Variants in TRAF3 observed in about 807,000 individuals in gnomAD.
TRAF3 encodes the protein TNF receptor associated factor 3, also known as TNF receptor-associated factor 3.
A neutral mutation model predicts 62.3 loss-of-function variants in TRAF3; 13 were observed. The ratio of observed to expected loss-of-function variants is 0.21; its 90% confidence interval spans 0.14 to 0.33. TRAF3 has a LOEUF of 0.33. Among genes scored for constraint, TRAF3 ranks in the 10% least tolerant of loss-of-function variants. TRAF3 has a pLI of 1.00. For missense variants in TRAF3, 440 were observed against 741.8 expected, an observed-to-expected ratio of 0.59 and a Z score of 4.73; for synonymous variants, 269 against 283.4, an observed-to-expected ratio of 0.95 and a Z score of 0.51.
Position 102,815,759 on chromosome 14 carries a change from C to T in TRAF3, c.-156-14575C>T, listed in dbSNP as rs1484604243. Among the ~76,000 whole-genome samples the T allele has an allele frequency of 2.6e-5, 4 of 152,156 alleles. No homozygotes were observed. In the South Asian group the frequency reaches 8.3e-4, roughly 32 times the overall value. ...GTCTGGGGAGGCCTCAGGAAACTTA[C>T]AATCAAGGCAGACGGGGAAGCAGGC... is the stretch of plus-strand genomic sequence containing the variant. On this transcript the variant is annotated intron_variant, in intron 1 of 11. Coordinates refer to ENST00000392745, the MANE Select transcript of TRAF3 (RefSeq NM_145725.3).
At chr14:102,811,885 CTGTAGGCT>C (rs1211533662) in intron 1 of TRAF3, among the ~76,000 whole-genome samples, 1 of 128,222 alleles carries the variant, frequency 7.8e-6, no homozygotes, top group Non-Finnish European at 1.6e-5. Flanking sequence ...GTAGCTAGGA[CTGTAGGCT>C]TGTGCCACCA....
At chr14:102,860,002 T>G (rs1310303908) in intron 2 of TRAF3, among the ~76,000 whole-genome samples, 1 of 151,600 alleles carries the variant, frequency 6.6e-6, no homozygotes, top group East Asian at 1.9e-4. Context: ...AGTGCAATGA[T>G]TTTACCACAT....
intron 1 of TRAF3, among the ~76,000 whole-genome samples, chr14:102,828,906 A>C (rs1026775405): frequency 1.3e-5 from 2 of 152,234 alleles, no homozygotes; most frequent in Admixed American, 6.5e-5. Context: ...AATGACAGTT[A>C]CATTAATCTG....
chr14:102,869,643 A>G (rs574807698), intron 2 of TRAF3, among the ~76,000 whole-genome samples: 1 of 152,014 alleles, frequency 6.6e-6, no homozygotes, highest in African/African-American at 2.4e-5. Flanking sequence ...CGTCTCTACT[A>G]AAAATACAAA....
chr14:102,859,042 C>T (rs548930066), intron 2 of TRAF3, among the ~76,000 whole-genome samples: 3 of 152,256 alleles, frequency 2.0e-5, no homozygotes, highest in South Asian at 2.1e-4. Context: ...GTTCAATTTA[C>T]GGAACTGTAT....
chr14:102,887,650 A>C (rs1889471065), intron 7 of TRAF3, among the ~76,000 whole-genome samples: 1 of 151,570 alleles, frequency 6.6e-6, no homozygotes, highest in African/African-American at 2.4e-5. Flanking sequence ...GCTGGAGTGC[A>C]GTGGCGTGAT....
chr14:102,877,522 G>T (rs563600611), intron 6 of TRAF3, among the ~76,000 whole-genome samples: 2 of 141,692 alleles, frequency 1.4e-5, no homozygotes, highest in African/African-American at 2.7e-5. Context: ...CAGGCCTTCC[G>T]CTCAGCTCAT....
At chr14:102,874,650 CTT>C (rs5811084) in intron 4 of TRAF3, among the ~76,000 whole-genome samples, 2 of 143,028 alleles carry the variant, frequency 1.4e-5, no homozygotes, top group African/African-American at 2.6e-5. Context: ...TTTTCTTCTT[CTT>C]TTTTTTTTTT....
intron 6 of TRAF3, among the ~76,000 whole-genome samples, chr14:102,878,199 T>A (rs1888826822): frequency 1.3e-5 from 2 of 152,222 alleles, no homozygotes; most frequent in Admixed American, 6.5e-5. Context: ...TACAGCTCTG[T>A]GACATAACCA....
chr14:102,846,424 C>T (rs1886724576), intron 2 of TRAF3, among the ~76,000 whole-genome samples: 1 of 152,048 alleles, frequency 6.6e-6, no homozygotes, highest in African/African-American at 2.4e-5. Flanking sequence ...TTGTTATTTT[C>T]ATCTGCTTCT....
intron 1 of TRAF3, among the ~76,000 whole-genome samples, chr14:102,827,647 C>T (rs1900404621): frequency 6.6e-6 from 1 of 152,150 alleles, no homozygotes; most frequent in African/African-American, 2.4e-5. Context: ...AGGGATGCTC[C>T]ATTTGAATAT....
At chr14:102,894,982 A>G (rs1889925407) in intron 9 of TRAF3, 2 of 435,366 alleles carry the variant, frequency 4.6e-6, no homozygotes, top group Non-Finnish European at 9.3e-6. Context: ...GACTACACGT[A>G]TGAGCCATCA....
chr14:102,870,063 A>G, intron 2 of TRAF3, 122 bp from the exon 3 acceptor site: 1 of 1,172,786 alleles, frequency 8.5e-7, no homozygotes, highest in Non-Finnish European at 1.3e-6. Flanking sequence ...AAAGTTGGGA[A>G]GGATTCTTGT....
In TRAF3 at chr14:102,905,512, C is replaced by T. The variant is rs780215702; in HGVS notation, c.1435C>T (p.Arg479Cys). ...CTTGTCGCTGTTTTTTGTCATCATG[C>T]GTGGAGAATATGATGCCCTGCTTCC... is the stretch of plus-strand genomic sequence containing the variant. ...THLSLFFVIM[R>C]GEYDALLPWP... The change falls in exon 12 of 12, where the codon CGT becomes TGT. Residue 479 changes from arginine to cysteine, a missense_variant. By Grantham distance (180) the Arg-to-Cys change is radical. This residue lies in a region of TRAF3 where 59 missense variants were observed against 120.9 expected (regional missense o/e 0.49). Transcript: ENST00000392745. 6 of 1,614,016 alleles carry T rather than the reference C, an allele frequency of 3.7e-6. No individual in the cohort carries two copies. The highest frequency in any genetic ancestry group is 5.1e-6 in the Non-Finnish European group (6 of 1,180,038).
chr14:102,820,851 C>G (rs1899939948), intron 1 of TRAF3, among the ~76,000 whole-genome samples: 2 of 151,178 alleles, frequency 1.3e-5, no homozygotes, highest in Admixed American at 1.3e-4. Flanking sequence ...CTAGGCTGGT[C>G]TTGAACTCCT....
intron 1 of TRAF3, among the ~76,000 whole-genome samples, chr14:102,784,399 T>C (rs1210473270): frequency 3.9e-5 from 6 of 152,022 alleles, no homozygotes; most frequent in African/African-American, 1.5e-4. Flanking sequence ...ATTTTTGTAT[T>C]TTTAGTAGAA....
At chr14:102,886,455 G>A (rs905474643) in intron 7 of TRAF3, among the ~76,000 whole-genome samples, 186 bp downstream of exon 7, 6 of 152,092 alleles carry the variant, frequency 3.9e-5, no homozygotes, top group African/African-American at 1.4e-4. Flanking sequence ...AAGCATTAGG[G>A]TTAAAAGCTA....
At chr14:102,789,631 G>A (rs1897695289) in intron 1 of TRAF3, among the ~76,000 whole-genome samples, 2 of 148,640 alleles carry the variant, frequency 1.3e-5, no homozygotes, top group Admixed American at 1.4e-4. Flanking sequence ...TGTGGTATGT[G>A]TATATGTATG....
intron 1 of TRAF3, among the ~76,000 whole-genome samples, chr14:102,802,609 A>G (rs1177168000): frequency 6.6e-6 from 1 of 151,414 alleles, no homozygotes; most frequent in African/African-American, 2.4e-5. Flanking sequence ...TGGGAGGATC[A>G]TGAGGTCAGG....
Sources: gnomAD v4.1 joint callset for allele counts (sites outside exome capture counted in the v4.1 genomes callset) on GRCh38, gnomAD v4.1.1 for gene constraint, gnomAD v4.1.1 regional missense constraint, MANE v1.5 for transcripts, NCBI Gene and HGNC (gene_info 2026-07-23, HGNC 2026-07-21) for gene names.